Variants in EPAS1 observed in about 807,000 individuals in gnomAD.
EPAS1 encodes endothelial PAS domain protein 1, also known as endothelial PAS domain-containing protein 1.
In EPAS1, 23 loss-of-function variants were observed where a neutral mutation model predicts 87.9. The observed-to-expected ratio is 0.26, with a 90% CI of 0.19 to 0.37. The LOEUF (loss-of-function observed/expected upper bound fraction) is 0.37, where lower values mean the gene tolerates loss of function less well. EPAS1 is among the 10% of genes least tolerant of loss of function. The pLI, the probability that EPAS1 is intolerant of heterozygous loss-of-function variation, is 1.00. For missense variants in EPAS1, 1,138 were observed against 1,120.7 expected, an observed-to-expected ratio of 1.02 and a Z score of -0.22; for synonymous variants, 508 against 444.3, an observed-to-expected ratio of 1.14 and a Z score of -1.80.
chr2:46,358,250 T>C (rs1684309715), intron 4 of EPAS1, among the ~76,000 whole-genome samples: 1 of 152,174 alleles, frequency 6.6e-6, no homozygotes, highest in African/African-American at 2.4e-5. Context: ...CTGCCACAGC[T>C]CCCTCACCCA....
rs371992743 is a variant in EPAS1, at chr2:46,378,201, C to A, written c.1443+114C>A. 2.7e-6 allele frequency: 4 copies of A among 1,479,276 alleles called. No individual in the cohort carries two copies. In the East Asian group the frequency reaches 9.9e-5, roughly 37 times the overall value. 91.6% of individuals were successfully genotyped at this position (1,479,276 alleles called of 1,614,324 possible). On this transcript the variant is annotated intron_variant, in intron 10 of 15. Transcript: ENST00000263734. The stretch of plus-strand genomic sequence containing the variant: ...CTGTCCTTCTCAGGTTATCACAGAG[C>A]CCCCTAGAGTGGCCGTGACACTTAC...
In EPAS1 at chr2:46,309,441, A is replaced by G. The variant is rs1039386513; in HGVS notation, c.26+11504A>G. Among the ~76,000 whole-genome samples, 8 of 152,356 alleles carry G rather than the reference A, an allele frequency of 5.3e-5. No individual in the cohort carries two copies. The South Asian group carries it at 1.7e-3, about 32-fold the overall frequency. ...CTTGTTAGGAAGTCACAACCAACTC[A>G]GATAAAACATTGAGCAAACAATGGA... On this transcript the variant is annotated intron_variant, in intron 1 of 15. Coordinates refer to ENST00000263734, the MANE Select transcript of EPAS1 (RefSeq NM_001430.5).
chr2:46,303,709 C>T (rs910696586), intron 1 of EPAS1, among the ~76,000 whole-genome samples: 1 of 152,176 alleles, frequency 6.6e-6, no homozygotes, highest in African/African-American at 2.4e-5. Context: ...TAAAGGAAGT[C>T]TGTTCAGCTC....
rs1684633400 is a variant in EPAS1 at position 46,371,884 on chromosome 2, C to T, written c.886+1951C>T. 6.6e-6 allele frequency among the ~76,000 whole-genome samples: 1 copy of T among 152,004 alleles called. No individual in the cohort carries two copies. Among genetic ancestry groups the T allele is most frequent in the Admixed American group, 6.5e-5 (1 of 15,270 alleles). On this transcript the variant is annotated intron_variant, in intron 7 of 15. Transcript: ENST00000263734. This position sits in a 1 kb window ranked among gnomAD's most constrained non-coding sequence, Gnocchi z 4.3. ...AAAATTTCTGGGAATTCTTGGAGGA[C>T]AGTATTACCTTTTATCTTGTAGGAT...
rs1289247793 is a variant in EPAS1, at chr2:46,303,989, G to A, written c.26+6052G>A. On this transcript the variant is annotated intron_variant, in intron 1 of 15. Transcript: ENST00000263734. ...TGTCTGCCCTCAGTCTTGGAAGGAC[G>A]GGAAGCCAAGTGCCCTGCACAGGGT... Among the ~76,000 whole-genome samples the A allele has an allele frequency of 5.9e-5, 9 of 152,154 alleles. 1 individual carries two copies. Among genetic ancestry groups the A allele is most frequent in the African/African-American group, 1.9e-4 (8 of 41,440 alleles).
At chr2:46,339,981 C>G (rs893722514) in intron 1 of EPAS1, among the ~76,000 whole-genome samples, 2 of 152,200 alleles carry the variant, frequency 1.3e-5, no homozygotes, top group Admixed American at 6.5e-5. Flanking sequence ...GGGATTTCAA[C>G]ATAAGTATTT....
intron 1 of EPAS1, among the ~76,000 whole-genome samples, chr2:46,312,510 A>G (rs1683233177): frequency 6.6e-6 from 1 of 152,214 alleles, no homozygotes; most frequent in Non-Finnish European, 1.5e-5. Flanking sequence ...TTATCTCAAT[A>G]GAACTTTGAA....
At position 46,380,412 on chromosome 2, in the gene EPAS1, C is replaced by G; in HGVS notation, c.1740C>G (p.His580Gln). The G allele has an allele frequency of 6.2e-7, 1 of 1,614,200 alleles. No individual in the cohort carries two copies. Among genetic ancestry groups the G allele is most frequent in the Non-Finnish European group, 8.5e-7 (1 of 1,180,032 alleles). The change falls in exon 12 of 16, where the codon CAC (histidine) becomes CAG (glutamine). Residue 580 changes from histidine (H) to glutamine (Q), a missense_variant. Transcript: ENST00000263734. The surrounding 1 kb of genome is among the most constrained non-coding windows in gnomAD (Gnocchi z 4.4). ...AGCCACTGGCCCCTGTAGCCCCGCA[C>G]AGTCCCTTCCTCCTGGACAAGTTTC... ...IFQPLAPVAP[H>Q]SPFLLDKFQQ...
At chr2:46,376,253 C>A (rs772212554) in intron 8 of EPAS1, among the ~76,000 whole-genome samples, 1 of 152,084 alleles carries the variant, frequency 6.6e-6, no homozygotes, top group African/African-American at 2.4e-5. Context: ...TTTCTACAGA[C>A]AGAGAAAAAC....
chr2:46,349,394 G>A (rs955678012), intron 2 of EPAS1, among the ~76,000 whole-genome samples: 4 of 152,220 alleles, frequency 2.6e-5, no homozygotes, highest in African/African-American at 9.7e-5. Flanking sequence ...GCCCTCATGT[G>A]CTGATGGGAA....
intron 1 of EPAS1, among the ~76,000 whole-genome samples, chr2:46,332,937 G>T (rs745450897): frequency 1.3e-5 from 2 of 152,198 alleles, no homozygotes; most frequent in African/African-American, 2.4e-5. Flanking sequence ...GAGGGGAGGG[G>T]TCTGCCCTTG....
intron 14 of EPAS1, 43 bp from the exon 15 acceptor site, chr2:46,382,382 C>T (rs1558613226): frequency 1.2e-6 from 2 of 1,611,528 alleles, no homozygotes; most frequent in Admixed American, 1.7e-5. Flanking sequence ...TCTCCCCTCC[C>T]TCAGGCCAAT....
intron 15 of EPAS1, among the ~76,000 whole-genome samples, chr2:46,383,663 T>C (rs1271325286): frequency 6.6e-6 from 1 of 152,266 alleles, no homozygotes; most frequent in East Asian, 1.9e-4. Flanking sequence ...ACGAATTACC[T>C]TGAATATTGA....
intron 13 of EPAS1, 54 bp downstream of exon 13, chr2:46,381,776 GGGCTGCT>G: frequency 6.2e-7 from 1 of 1,609,756 alleles, no homozygotes; most frequent in Non-Finnish European, 8.5e-7. Context: ...AGGGAACCCA[GGGCTGCT>G]GAGAGGGGTG....
chr2:46,368,596 G>A (rs543940437), intron 6 of EPAS1, among the ~76,000 whole-genome samples: 1 of 152,102 alleles, frequency 6.6e-6, no homozygotes, highest in Non-Finnish European at 1.5e-5. Context: ...GACCTGTTTG[G>A]GGGGTGGGTT....
chr2:46,334,542 G>T (rs1417277243), intron 1 of EPAS1, among the ~76,000 whole-genome samples: 1 of 152,124 alleles, frequency 6.6e-6, no homozygotes, highest in Non-Finnish European at 1.5e-5. Context: ...CAGCCTTGCA[G>T]GCTTTCTCCT....
chr2:46,376,544 T>C lies in EPAS1; in HGVS notation c.1040T>C (p.Ile347Thr), dbSNP rs751404915. Residue 347 changes from isoleucine to threonine, a missense_variant, in exon 9 of 16, where the codon ATT becomes ACT. Physicochemically the swap from Ile to Thr is moderately conservative, Grantham distance 89 (BLOSUM62 -1). Transcript: ENST00000263734. ...GGCTCTTTCCCCCCCATTAGTGAGATTGAGAAGAATGACGTGGTGTTCTCC... is the reference window on the plus strand; with the variant it reads ...GGCTCTTTCCCCCCCATTAGTGAGACTGAGAAGAATGACGTGGTGTTCTCC... Reference protein sequence around the residue: ...IMCVNYVLSEIEKNDVVFSMD... With the variant: ...IMCVNYVLSETEKNDVVFSMD... 8.1e-6 allele frequency: 13 copies of C among 1,614,038 alleles called. No individual in the cohort carries two copies. The highest frequency in any genetic ancestry group is 2.2e-5 in the East Asian group (1 of 44,876).
In EPAS1 at chr2:46,375,186, A is replaced by AC. The variant is rs1337359987; in HGVS notation, c.887-504_887-503insC. On this transcript the variant is annotated intron_variant, in intron 7 of 15. Transcript: ENST00000263734. The surrounding 1 kb of genome is among the most constrained non-coding windows in gnomAD (Gnocchi z 4.1). ...TTGGTGGTGGGTCTGCTGAAAAAAA[A>AC]AAACAAAAAAAAACAAAAAAAACTG... is the stretch of plus-strand genomic sequence containing the variant. Among the ~76,000 whole-genome samples, 3 of 138,874 alleles carry AC rather than the reference A, an allele frequency of 2.2e-5. No homozygotes were observed. The highest frequency in any genetic ancestry group is 4.8e-5 in the Non-Finnish European group (3 of 62,420). 91.1% of individuals were successfully genotyped at this position (138,874 alleles called of 152,430 possible).
rs114087848 is a variant in EPAS1 at position 46,375,166 on chromosome 2, G to A, written c.887-524G>A. On this transcript the variant is annotated intron_variant, in intron 7 of 15. Transcript: ENST00000263734. This position sits in a 1 kb window ranked among gnomAD's most constrained non-coding sequence, Gnocchi z 4.1. The stretch of plus-strand genomic sequence containing the variant: ...TTTTATTCATAAGCAGGGTATTGGT[G>A]GTGGGTCTGCTGAAAAAAAAAAACA... Among the ~76,000 whole-genome samples the A allele has an allele frequency of 0.013, 1,896 of 148,602 alleles. 21 individuals carry two copies. Among genetic ancestry groups the A allele is most frequent in the Non-Finnish European group, 0.02 (1,378 of 67,228 alleles).
Sources: gnomAD v4.1 joint callset for allele counts (sites outside exome capture counted in the v4.1 genomes callset) on GRCh38, gnomAD v4.1.1 for gene constraint, Gnocchi (gnomAD v3.1) non-coding constraint, MANE v1.5 for transcripts, NCBI Gene and HGNC (gene_info 2026-07-23, HGNC 2026-07-21) for gene names.